KIF26B: variants seen among roughly 807,000 people sequenced by gnomAD.
The protein encoded by KIF26B is kinesin-like protein KIF26B.
A neutral mutation model predicts 151.2 loss-of-function variants in KIF26B; 63 were observed. The observed-to-expected ratio is 0.42, with a 90% confidence interval of 0.34 to 0.51. KIF26B has a LOEUF of 0.51. KIF26B is among the 20% of genes least tolerant of loss of function. KIF26B has a pLI of 0.07. For synonymous variants in KIF26B, 1,357 were observed against 1,262.1 expected (o/e 1.08, Z -1.59); for missense variants, 2,813 against 2,913.6 (o/e 0.97, Z 0.79).
At chr1:245,236,066 A>G (rs1485541270) in intron 2 of KIF26B, among the ~76,000 whole-genome samples, 1 of 151,930 alleles carries the variant, frequency 6.6e-6, no homozygotes, top group Non-Finnish European at 1.5e-5. Flanking sequence ...AGTAGCTGGG[A>G]CTACAGGTGT....
chr1:245,457,887 A>AT (rs555660016), intron 4 of KIF26B, among the ~76,000 whole-genome samples: 8 of 152,210 alleles, frequency 5.3e-5, no homozygotes, highest in Non-Finnish European at 1.2e-4. Flanking sequence ...TTGCACACAG[A>AT]TAAGTTTCTC....
chr1:245,509,037 C>A (rs1660778517), intron 4 of KIF26B, among the ~76,000 whole-genome samples: 1 of 152,150 alleles, frequency 6.6e-6, no homozygotes, highest in South Asian at 2.1e-4. Context: ...AGTTTAAAGA[C>A]CAATAGTAGA....
In KIF26B at chr1:245,601,916, G is replaced by A. The variant is rs1241023942; in HGVS notation, c.1351-661G>A. 6.6e-6 allele frequency among the ~76,000 whole-genome samples: 1 copy of A among 152,168 alleles called. No individual in the cohort carries two copies. Among genetic ancestry groups the A allele is most frequent in the African/African-American group, 2.4e-5 (1 of 41,432 alleles). ...CTCAGTGTTCAATCACGCAGAAAGT[G>A]GGCTAAAGGGCAGCGCCTCCTGCTC... On this transcript the variant is annotated intron_variant, in intron 5 of 14. Coordinates refer to ENST00000407071, the MANE Select transcript of KIF26B (RefSeq NM_018012.4). This position sits in a 1 kb window ranked among gnomAD's most constrained non-coding sequence, Gnocchi z 4.4.
At chr1:245,348,289 T>A (rs961252073) in intron 2 of KIF26B, among the ~76,000 whole-genome samples, 4 of 152,206 alleles carry the variant, frequency 2.6e-5, no homozygotes, top group African/African-American at 9.6e-5. Flanking sequence ...TAACTTCCAA[T>A]GCTATCAGTA....
intron 4 of KIF26B, among the ~76,000 whole-genome samples, chr1:245,511,679 C>T (rs999935986): frequency 2.6e-5 from 4 of 152,164 alleles, no homozygotes; most frequent in Admixed American, 6.5e-5. Flanking sequence ...TGAGGTCGGA[C>T]ATCTCCCTAT....
chr1:245,175,200 G>T (rs1668781700), intron 2 of KIF26B, among the ~76,000 whole-genome samples: 1 of 152,148 alleles, frequency 6.6e-6, no homozygotes, highest in Non-Finnish European at 1.5e-5. Context: ...ATTCAGCATA[G>T]TGACCCAGAG....
At chr1:245,673,359 TCTTAGGCCCAGTCCCCGCTGCGCGCTGCC>T (rs2044318079) in intron 10 of KIF26B, among the ~76,000 whole-genome samples, 1 of 111,088 alleles carries the variant, frequency 9.0e-6, no homozygotes, top group Non-Finnish European at 1.8e-5. Flanking sequence ...CGCGCTGCCA[TCTTAGGCCCAGTCCCCGCTGCGCGCTGCC>T]ATCTTAGGCC....
At chr1:245,465,097 G>A (rs2103060222) in intron 4 of KIF26B, among the ~76,000 whole-genome samples, 1 of 146,796 alleles carries the variant, frequency 6.8e-6, no homozygotes, top group South Asian at 2.2e-4. Flanking sequence ...TCCTGCCTCA[G>A]CCTCCCGAGC....
At chr1:245,297,411 C>G (rs1671358458) in intron 2 of KIF26B, among the ~76,000 whole-genome samples, 1 of 152,130 alleles carries the variant, frequency 6.6e-6, no homozygotes, top group African/African-American at 2.4e-5. Context: ...TTCAGAGAGG[C>G]CAGGTGACTT....
At chr1:245,443,533 C>T (rs1403957493) in intron 4 of KIF26B, among the ~76,000 whole-genome samples, 1 of 112,510 alleles carries the variant, frequency 8.9e-6, no homozygotes, top group Non-Finnish European at 1.9e-5. Flanking sequence ...GGTCATCTCC[C>T]TCACTGTTCA....
rs143978461 is a variant in KIF26B, at chr1:245,367,148, C to T, written c.780C>T (p.Phe260=). Residue 260 remains phenylalanine (F), a synonymous_variant, in exon 3 of 15, where the codon TTC becomes TTT. Transcript: ENST00000407071. The surrounding 1 kb of genome is among the most constrained non-coding windows in gnomAD (Gnocchi z 4.2). ...APCATSNYTG[F]ANKHGSKPSS... ...GTGCCACCTCCAACTACACAGGCTT[C>T]GCCAACAAGCACGGCAGCAAACCCA... 595 of 1,602,266 alleles carry T rather than the reference C, an allele frequency of 3.7e-4. 2 individuals carry two copies. The African/African-American group carries it at 6.3e-3, about 17-fold the overall frequency.
intron 4 of KIF26B, among the ~76,000 whole-genome samples, chr1:245,502,830 T>C (rs1471604541): frequency 6.6e-6 from 1 of 151,870 alleles, no homozygotes; most frequent in Non-Finnish European, 1.5e-5. Context: ...GAAAAATTTC[T>C]GTATTAATTG....
chr1:245,357,364 T>C (rs981758603), intron 2 of KIF26B, among the ~76,000 whole-genome samples: 2 of 152,182 alleles, frequency 1.3e-5, no homozygotes, highest in Admixed American at 6.5e-5. Flanking sequence ...AGATAGAACA[T>C]GTACAGCTTA....
intron 2 of KIF26B, among the ~76,000 whole-genome samples, chr1:245,201,767 G>A (rs1310819292): frequency 6.6e-6 from 1 of 152,160 alleles, no homozygotes; most frequent in Non-Finnish European, 1.5e-5. Flanking sequence ...GTGGGGGCGG[G>A]GGGAAGGGGA....
chr1:245,649,833 C>T (rs2043995416), intron 10 of KIF26B, among the ~76,000 whole-genome samples: 1 of 152,198 alleles, frequency 6.6e-6, no homozygotes, highest in African/African-American at 2.4e-5. Flanking sequence ...TCCTCTTCAT[C>T]ATCTTACCAG....
At chr1:245,490,084 C>A (rs531370666) in intron 4 of KIF26B, among the ~76,000 whole-genome samples, 1 of 152,106 alleles carries the variant, frequency 6.6e-6, no homozygotes, top group Non-Finnish European at 1.5e-5. Flanking sequence ...TTGTTCGACT[C>A]CTCAGAGCAG....
At chr1:245,337,296 C>A (rs1369438269) in intron 2 of KIF26B, among the ~76,000 whole-genome samples, 1 of 151,752 alleles carries the variant, frequency 6.6e-6, no homozygotes, top group Non-Finnish European at 1.5e-5. Context: ...TTCAGCCTCC[C>A]AAGTAGCTGG....
At chr1:245,466,029 A>T (rs1093929) in intron 4 of KIF26B, among the ~76,000 whole-genome samples, 124,841 of 152,244 alleles carry the variant, frequency 0.82, 51,465 homozygotes, top group African/African-American at 0.9. Context: ...TAGAAGGCGC[A>T]CAGTACGAGC....
intron 2 of KIF26B, among the ~76,000 whole-genome samples, chr1:245,269,369 T>C (rs1449141882): frequency 6.6e-6 from 1 of 150,962 alleles, no homozygotes; most frequent in African/African-American, 2.4e-5. Context: ...CTCATCTAAA[T>C]AGAATCACAC....
Sources: gnomAD v4.1 joint callset for allele counts (sites outside exome capture counted in the v4.1 genomes callset) on GRCh38, gnomAD v4.1.1 for gene constraint, Gnocchi (gnomAD v3.1) non-coding constraint, MANE v1.5 for transcripts, NCBI Gene and HGNC (gene_info 2026-07-23, HGNC 2026-07-21) for gene names.